The following EFHC1 variants were observed in gnomAD, a reference collection of about 807,000 sequenced individuals.
The protein encoded by EFHC1 is EF-hand domain-containing protein 1.
In EFHC1, 53 loss-of-function variants were observed where a neutral mutation model predicts 69.9. The ratio of observed to expected loss-of-function variants is 0.76; its 90% CI spans 0.61 to 0.95. The LOEUF (loss-of-function observed/expected upper bound fraction) is 0.95, where lower values mean the gene tolerates loss of function less well. EFHC1 is among the 40% of genes least tolerant of loss of function. The pLI is 0.00. For synonymous variants in EFHC1, 256 were observed against 278.4 expected (o/e 0.92, Z 0.80); for missense variants, 739 against 798.7 (o/e 0.93, Z 0.90).
intron 3 of EFHC1, among the ~76,000 whole-genome samples, chr6:52,440,114 A>T (rs1007622778): frequency 6.6e-6 from 1 of 152,082 alleles, no homozygotes; most frequent in Non-Finnish European, 1.5e-5. Flanking sequence ...TAAAGTCACC[A>T]CAAACACTGA....
chr6:52,475,175 T>C (rs1025526207), intron 7 of EFHC1, among the ~76,000 whole-genome samples: 4 of 152,172 alleles, frequency 2.6e-5, no homozygotes, highest in African/African-American at 9.6e-5. Context: ...CCCTGACCTA[T>C]TGGGTGAAAT....
At chr6:52,433,089 T>A (rs1764450582) in intron 2 of EFHC1, among the ~76,000 whole-genome samples, 1 of 152,116 alleles carries the variant, frequency 6.6e-6, no homozygotes, top group Non-Finnish European at 1.5e-5. Flanking sequence ...CTTCACTTCT[T>A]GTATCTTTTT....
At chr6:52,481,868 A>G (rs1013624624) in intron 9 of EFHC1, 3 of 152,232 alleles carry the variant, frequency 2.0e-5, no homozygotes, top group African/African-American at 7.2e-5. Context: ...TCTAAGAACT[A>G]AGCTCTGGGG....
At chr6:52,439,681 G>A (rs1764617006) in intron 3 of EFHC1, among the ~76,000 whole-genome samples, 1 of 152,108 alleles carries the variant, frequency 6.6e-6, no homozygotes, top group Non-Finnish European at 1.5e-5. Flanking sequence ...GCTCTTTATA[G>A]AGGCGGATCA....
At chr6:52,483,026 C>A in intron 9 of EFHC1, 1 of 394,698 alleles carries the variant, frequency 2.5e-6, no homozygotes, top group Non-Finnish European at 4.5e-6. Context: ...ACACACTTTA[C>A]TGTCTGCGTG....
At chr6:52,459,558 C>T (rs964301889) in intron 5 of EFHC1, among the ~76,000 whole-genome samples, 1 of 152,212 alleles carries the variant, frequency 6.6e-6, no homozygotes, top group Non-Finnish European at 1.5e-5. Flanking sequence ...ACTGACCATA[C>T]CAAGTGTTGA....
chr6:52,462,634 C>T (rs546515985), intron 5 of EFHC1, among the ~76,000 whole-genome samples: 287 of 152,064 alleles, frequency 1.9e-3, no homozygotes, highest in African/African-American at 6.1e-3. Flanking sequence ...ACCTGTAATC[C>T]CAGCACTTTG....
chr6:52,449,257 C>T (rs1014399399), intron 3 of EFHC1, among the ~76,000 whole-genome samples: 1 of 152,034 alleles, frequency 6.6e-6, no homozygotes, highest in Non-Finnish European at 1.5e-5. Context: ...GTGGCAGGCG[C>T]CTGTAGTCCC....
At chr6:52,479,345 T>G (rs1765619996) in intron 8 of EFHC1, 95 bp downstream of exon 8, 3 of 1,339,606 alleles carry the variant, frequency 2.2e-6, no homozygotes, top group Non-Finnish European at 3.2e-6. Flanking sequence ...GGCAATTAGA[T>G]TGTATTGCAA....
chr6:52,472,966 A>G (rs999857773), intron 7 of EFHC1, among the ~76,000 whole-genome samples: 1 of 152,188 alleles, frequency 6.6e-6, no homozygotes, highest in Non-Finnish European at 1.5e-5. Flanking sequence ...TTATAAAAAT[A>G]TTTTCCCCAA....
intron 3 of EFHC1, among the ~76,000 whole-genome samples, chr6:52,448,810 A>G (rs1262499902): frequency 6.6e-6 from 1 of 152,324 alleles, no homozygotes; most frequent in Non-Finnish European, 1.5e-5. Flanking sequence ...TATGTGATGA[A>G]TCACATTTAT....
intron 2 of EFHC1, among the ~76,000 whole-genome samples, chr6:52,430,603 G>A (rs578096437): frequency 3.3e-5 from 5 of 152,110 alleles, no homozygotes; most frequent in Admixed American, 3.3e-4. Context: ...TGTTGAATTC[G>A]GTTAGCTAGT....
intron 5 of EFHC1, 40 bp from the exon 6 acceptor site, chr6:52,464,855 C>T: frequency 6.4e-7 from 1 of 1,559,934 alleles, no homozygotes; most frequent in Non-Finnish European, 8.8e-7. Context: ...TTGACACACT[C>T]ATTCCTTCTT....
At position 52,420,347 on chromosome 6, in the gene EFHC1, T is replaced by C. The variant is rs953002519; in HGVS notation, c.-64T>C. ...TCCTGGAGGTGCCCGCGAACACTGCTTGTCGCCTGGGCAACCGGAGAGGAC... is the reference window on the plus strand; with the variant it reads ...TCCTGGAGGTGCCCGCGAACACTGCCTGTCGCCTGGGCAACCGGAGAGGAC... On this transcript the variant is annotated 5_prime_UTR_variant, in exon 1 of 11. Transcript: ENST00000371068. The C allele has an allele frequency of 3.1e-6, 5 of 1,606,360 alleles. No homozygotes were observed. The highest frequency in any genetic ancestry group is 4.3e-6 in the Non-Finnish European group (5 of 1,172,950).
intron 3 of EFHC1, among the ~76,000 whole-genome samples, chr6:52,442,178 C>G (rs1028896279): frequency 1.6e-4 from 24 of 152,180 alleles, no homozygotes; most frequent in African/African-American, 5.5e-4. Flanking sequence ...TTTCTTGTGT[C>G]AGTTTTCAAG....
chr6:52,452,035 CA>C lies in EFHC1; in HGVS notation c.574-651del, dbSNP rs202115375. Among the ~76,000 whole-genome samples, 835 of 152,282 alleles carry C rather than the reference CA, an allele frequency of 5.5e-3. 8 individuals carry two copies. The highest frequency in any genetic ancestry group is 0.019 in the African/African-American group (785 of 41,548). ...TAGGTTCCAGATATATGAAAGTAAGCAATCCTAAGACTTACTCTGTTACAGG... is the reference window on the plus strand; with the variant it reads ...TAGGTTCCAGATATATGAAAGTAAGCATCCTAAGACTTACTCTGTTACAGG... On this transcript the variant is annotated intron_variant, in intron 3 of 10. Coordinates refer to ENST00000371068, the MANE Select transcript of EFHC1 (RefSeq NM_018100.4).
chr6:52,480,897 A>C (rs2114025677), intron 9 of EFHC1, among the ~76,000 whole-genome samples: 1 of 152,078 alleles, frequency 6.6e-6, no homozygotes, highest in Non-Finnish European at 1.5e-5. Context: ...ATTGTGTAGG[A>C]CTTACTAGGT....
chr6:52,441,807 A>C (rs1764671556), intron 3 of EFHC1, among the ~76,000 whole-genome samples: 1 of 151,862 alleles, frequency 6.6e-6, no homozygotes, highest in South Asian at 2.1e-4. Context: ...CATTGTAGAG[A>C]TCTTTCATCT....
rs116134831 is a variant in EFHC1 at position 52,469,419 on chromosome 6, C to T, written c.1224C>T (p.Asp408=). ...FALIPKAPKK[D]VIKMLVNDNK... ...TCATTCCAAAAGCTCCAAAAAAAGACGTTATTAAAATGCTGGTGAATGATA... is the reference window on the plus strand; with the variant it reads ...TCATTCCAAAAGCTCCAAAAAAAGATGTTATTAAAATGCTGGTGAATGATA... Residue 408 remains aspartate, a synonymous_variant, in exon 7 of 11, where the codon GAC becomes GAT. Transcript: ENST00000371068. 2,382 of 1,613,992 alleles carry T rather than the reference C, an allele frequency of 1.5e-3. 25 individuals carry two copies. In the African/African-American group the frequency reaches 0.02, roughly 13 times the overall value.
Sources: allele counts gnomAD v4.1 joint callset (sites outside exome capture counted in the v4.1 genomes callset), GRCh38; gene constraint gnomAD v4.1.1; transcripts MANE v1.5; gene names NCBI Gene and HGNC (gene_info 2026-07-23, HGNC 2026-07-21).